Variants in SNX24 observed in about 807,000 individuals in gnomAD.
SNX24 encodes sorting nexin-24.
Under a neutral mutation model 28.7 loss-of-function variants are expected in SNX24, and 22 were observed. The observed-to-expected ratio is 0.77, with a 90% CI of 0.55 to 1.10. SNX24 has a LOEUF of 1.10. SNX24 is among the 50% of genes least tolerant of loss of function. The pLI is 0.00. For synonymous variants in SNX24, 69 were observed against 71.5 expected, an observed-to-expected ratio of 0.96 and a Z score of 0.18; for missense variants, 221 against 201.1, an observed-to-expected ratio of 1.10 and a Z score of -0.60.
At chr5:122,950,684 C>T (rs904642954) in intron 3 of SNX24, among the ~76,000 whole-genome samples, 2 of 152,182 alleles carry the variant, frequency 1.3e-5, no homozygotes, top group African/African-American at 4.8e-5. Flanking sequence ...ATGCCCACTT[C>T]TGAACCTCAC....
At chr5:123,013,722 AG>A (rs150562513), downstream of SNX24, among the ~76,000 whole-genome samples, 87 of 152,342 alleles carry the variant, frequency 5.7e-4, no homozygotes, top group African/African-American at 1.9e-3. Context: ...ACTTAACAGT[AG>A]TTACAGTGAC....
At chr5:122,903,795 T>C (rs1757537524) in intron 1 of SNX24, among the ~76,000 whole-genome samples, 1 of 152,216 alleles carries the variant, frequency 6.6e-6, no homozygotes, top group African/African-American at 2.4e-5. Context: ...TAAATTTTTA[T>C]ACTTTTGATA....
intron 3 of SNX24, among the ~76,000 whole-genome samples, chr5:122,968,886 G>A (rs1047851082): frequency 2.6e-5 from 4 of 151,390 alleles, no homozygotes; most frequent in African/African-American, 9.7e-5. Context: ...TGTTTTATAC[G>A]GTATCTAGTT....
At chr5:122,883,605 A>C (rs1432881290) in intron 1 of SNX24, among the ~76,000 whole-genome samples, 1 of 152,156 alleles carries the variant, frequency 6.6e-6, no homozygotes. Flanking sequence ...TAAGCTTCTA[A>C]AACTGTCAGA....
chr5:122,865,071 C>G (rs1054140033), intron 1 of SNX24, among the ~76,000 whole-genome samples: 1 of 152,228 alleles, frequency 6.6e-6, no homozygotes, highest in South Asian at 2.1e-4. Flanking sequence ...AAGGCAGTTT[C>G]AGAATGATGG....
At chr5:122,923,436 C>G (rs1758533349) in intron 1 of SNX24, among the ~76,000 whole-genome samples, 1 of 151,924 alleles carries the variant, frequency 6.6e-6, no homozygotes, top group Non-Finnish European at 1.5e-5. Context: ...GCTTACTTTC[C>G]TCTTGTAAGT....
At chr5:122,969,253 G>T (rs1009387180) in intron 3 of SNX24, among the ~76,000 whole-genome samples, 3 of 152,086 alleles carry the variant, frequency 2.0e-5, no homozygotes, top group Admixed American at 6.5e-5. Context: ...TCTTGCTTGT[G>T]GGGTGTAAGT....
chr5:122,978,922 TC>T (rs1168635125), intron 3 of SNX24, among the ~76,000 whole-genome samples: 6 of 152,238 alleles, frequency 3.9e-5, no homozygotes, highest in Admixed American at 2.6e-4. Flanking sequence ...AATTACTTTT[TC>T]TCAGGCTTTG....
At chr5:122,995,679 A>G (rs923732800) in intron 3 of SNX24, among the ~76,000 whole-genome samples, 1 of 152,082 alleles carries the variant, frequency 6.6e-6, no homozygotes. Flanking sequence ...TGTAAAATTT[A>G]TTGGGATTTA....
intron 1 of SNX24, among the ~76,000 whole-genome samples, chr5:122,864,475 C>A (rs1755630586): frequency 6.6e-6 from 1 of 152,206 alleles, no homozygotes; most frequent in African/African-American, 2.4e-5. Context: ...TTCACAAGAG[C>A]CTGCTGTGCA....
At chr5:122,851,410 A>G (rs567785966) in intron 1 of SNX24, among the ~76,000 whole-genome samples, 1 of 152,184 alleles carries the variant, frequency 6.6e-6, no homozygotes, top group African/African-American at 2.4e-5. Context: ...CAAGTGATCC[A>G]CATGCCTCAG....
chr5:123,018,438 A>G (rs1762716068), intron 5 of SNX24, among the ~76,000 whole-genome samples: 1 of 152,170 alleles, frequency 6.6e-6, no homozygotes, highest in African/African-American at 2.4e-5. Flanking sequence ...GATATCTATA[A>G]CAGGACATAA....
At chr5:122,967,606 A>G (rs968240720) in intron 3 of SNX24, among the ~76,000 whole-genome samples, 5 of 152,328 alleles carry the variant, frequency 3.3e-5, no homozygotes, top group African/African-American at 1.2e-4. Context: ...TTAATATACC[A>G]TTTAGACCGA....
Position 122,999,968 on chromosome 5 carries a change from G to A in SNX24, c.306G>A (p.Val102=). The A allele has an allele frequency of 8.1e-6, 13 of 1,613,176 alleles. No individual in the cohort carries two copies. The highest frequency in any genetic ancestry group is 1.3e-5 in the African/African-American group (1 of 75,014). ...AACTGTTTCTTGATTTCCTAAATGTGCGACACTTGCCCTCTCTACCAAAGG... is the reference window on the plus strand; with the variant it reads ...AACTGTTTCTTGATTTCCTAAATGTACGACACTTGCCCTCTCTACCAAAGG... ...LPKLFLDFLN[V]RHLPSLPKAE... is the part of the protein sequence containing the mutation. The change falls in exon 4 of 7, where the codon GTG becomes GTA. Residue 102 remains valine (V), a synonymous_variant. Coordinates refer to ENST00000261369, the MANE Select transcript of SNX24 (RefSeq NM_014035.4).
intron 3 of SNX24, among the ~76,000 whole-genome samples, 160 bp from the exon 4 acceptor site, chr5:122,999,752 A>G (rs1762179985): frequency 6.6e-6 from 1 of 152,194 alleles, no homozygotes; most frequent in South Asian, 2.1e-4. Flanking sequence ...GTCAGCCCGA[A>G]TTCCTGGTGG....
chr5:122,902,105 T>G (rs576396056), intron 1 of SNX24, among the ~76,000 whole-genome samples: 2 of 152,352 alleles, frequency 1.3e-5, no homozygotes, highest in Admixed American at 1.3e-4. Flanking sequence ...CCTCTGGCCC[T>G]TGTTCACACT....
intron 5 of SNX24, chr5:123,022,432 GT>G (rs1762774396): frequency 6.6e-6 from 1 of 151,328 alleles, no homozygotes. Flanking sequence ...AGCCAGGTAT[GT>G]TATAACAAGG....
chr5:122,912,190 C>T (rs1164737016), intron 1 of SNX24, among the ~76,000 whole-genome samples: 5 of 137,632 alleles, frequency 3.6e-5, no homozygotes, highest in African/African-American at 1.4e-4. Flanking sequence ...CTTCACGTCC[C>T]TTGTAAGTTG....
rs577845628 is a variant in SNX24 at position 123,009,167 on chromosome 5, A to G, written c.*1418A>G. On this transcript the variant is annotated 3_prime_UTR_variant, in exon 7 of 7. Coordinates refer to ENST00000261369, the MANE Select transcript of SNX24 (RefSeq NM_014035.4). ...GATTTTTTTAAAATGTTTTTATGTT[A>G]TTAGCTATTTGGAGTTAAATAAAAA... 2.0e-6 allele frequency: 2 copies of G among 984,058 alleles called. No homozygotes were observed. Among genetic ancestry groups the G allele is most frequent in the East Asian group, 1.1e-4 (1 of 8,812 alleles). The allele number at this position is 984,058 out of a possible 1,614,324, so 61.0% of individuals were successfully genotyped here.
Sources: allele counts gnomAD v4.1 joint callset (sites outside exome capture counted in the v4.1 genomes callset), GRCh38; gene constraint gnomAD v4.1.1; transcripts MANE v1.5; gene names NCBI Gene and HGNC (gene_info 2026-07-23, HGNC 2026-07-21).